CAPN14: variants seen among roughly 807,000 people sequenced by gnomAD.
The protein encoded by CAPN14 is calpain-14.
CAPN14 carries 94 observed loss-of-function variants against 101.3 expected under a neutral mutation model. That is an observed-to-expected ratio of 0.93 (90% CI 0.79 to 1.10). CAPN14 has a LOEUF of 1.10. Ranked by LOEUF, CAPN14 falls within the 50% of genes least tolerant of loss-of-function variation. The probability of loss-of-function intolerance (pLI) is 0.00; values close to 1 mark genes in which losing one functional copy is unlikely to be tolerated. For synonymous variants in CAPN14, 338 were observed against 317.9 expected, an observed-to-expected ratio of 1.06 and a Z score of -0.67; for missense variants, 837 against 828.4, an observed-to-expected ratio of 1.01 and a Z score of -0.13.
At chr2:31,215,749 T>C (rs1468283320) in intron 1 of CAPN14, among the ~76,000 whole-genome samples, 2 of 152,068 alleles carry the variant, frequency 1.3e-5, no homozygotes, top group Admixed American at 1.3e-4. Context: ...CCGGTCATTT[T>C]AGGCTCTGAT....
chr2:31,221,740 G>C (rs368669463), upstream of CAPN14, among the ~76,000 whole-genome samples: 291 of 152,206 alleles, frequency 1.9e-3, 1 homozygote, highest in African/African-American at 6.8e-3. Context: ...ATGTCATTGG[G>C]GTATAGTCGG....
chr2:31,210,363 G>C (rs370966920), intron 1 of CAPN14, among the ~76,000 whole-genome samples: 1 of 152,160 alleles, frequency 6.6e-6, no homozygotes, highest in South Asian at 2.1e-4. Flanking sequence ...CAGGAGAATG[G>C]TGTGAACCCG....
intron 17 of CAPN14, 133 bp downstream of exon 17, chr2:31,180,803 A>G: frequency 4.3e-6 from 3 of 703,378 alleles, no homozygotes; most frequent in Non-Finnish European, 7.4e-6. Context: ...TGGATACATA[A>G]TGAGGCTCAG....
At chr2:31,176,497 C>T (rs1680294152) in intron 21 of CAPN14, 90 bp downstream of exon 21, 1 of 957,544 alleles carries the variant, frequency 1.0e-6, no homozygotes. Context: ...TAAAGTGTCC[C>T]CAGAGCCCTT....
At chr2:31,199,645 T>G in intron 6 of CAPN14, 113 bp from the exon 7 acceptor site, 1 of 787,588 alleles carries the variant, frequency 1.3e-6, no homozygotes, top group Non-Finnish European at 2.1e-6. Context: ...GTGTGGGAGA[T>G]AATCATGGTA....
chr2:31,194,334 G>C, intron 9 of CAPN14, 75 bp downstream of exon 9: 2 of 1,078,912 alleles, frequency 1.9e-6, no homozygotes, highest in South Asian at 2.7e-5. Flanking sequence ...CACCCATAAG[G>C]CATCCAATAA....
In CAPN14 at chr2:31,199,497, AT is replaced by A. The variant is rs1379678241; in HGVS notation, c.761del (p.His254LeufsTer11). ...TCCTGATTCCTGTGAGAGTATAGGC[AT>A]GGCCTTCCACCAGCCCATTCTCCAG... is the stretch of plus-strand genomic sequence containing the variant. ...KILENGLVEGHAYTLTGIRKV... is the reference protein window; with the variant it reads ...KILENGLVEGXAYTLTGIRKV... On this transcript the variant is annotated frameshift_variant, in exon 7 of 22. Coordinates refer to ENST00000403897, the MANE Select transcript of CAPN14 (RefSeq NM_001145122.2). LOFTEE classifies it high-confidence loss of function. 11 of 1,551,482 alleles carry A rather than the reference AT, an allele frequency of 7.1e-6. No individual in the cohort carries two copies. The highest frequency in any genetic ancestry group is 9.6e-6 in the Non-Finnish European group (11 of 1,146,948).
At chr2:31,181,497 C>T (rs1572391392) in intron 16 of CAPN14, among the ~76,000 whole-genome samples, 2 of 92,282 alleles carry the variant, frequency 2.2e-5, no homozygotes, top group Non-Finnish European at 4.3e-5. Flanking sequence ...CTCTCTCTTT[C>T]CTTTCTTTCT....
chr2:31,231,645 G>A (rs188328627), intron 1 of CAPN14, among the ~76,000 whole-genome samples: 41 of 152,212 alleles, frequency 2.7e-4, no homozygotes, highest in Middle Eastern at 3.4e-3. Flanking sequence ...TTAGATATTC[G>A]GAACAGACAT....
intron 16 of CAPN14, among the ~76,000 whole-genome samples, chr2:31,185,934 C>A (rs1336359687): frequency 2.0e-5 from 3 of 151,938 alleles, no homozygotes; most frequent in Admixed American, 6.6e-5. Flanking sequence ...AATAATTTAC[C>A]CCAGGCTTCA....
upstream of CAPN14, among the ~76,000 whole-genome samples, chr2:31,220,288 T>C (rs2148705468): frequency 6.6e-6 from 1 of 152,214 alleles, no homozygotes; most frequent in East Asian, 1.9e-4. Context: ...AGGTTATTTA[T>C]GGGGTTTCAT....
upstream of CAPN14, among the ~76,000 whole-genome samples, chr2:31,218,701 T>C (rs1682760590): frequency 6.6e-6 from 1 of 152,210 alleles, no homozygotes; most frequent in Admixed American, 6.5e-5. Context: ...AGGCACAGCA[T>C]GGCAACTCGC....
At chr2:31,233,057 T>C (rs1460210756) in intron 1 of CAPN14, among the ~76,000 whole-genome samples, 1 of 152,192 alleles carries the variant, frequency 6.6e-6, no homozygotes, top group African/African-American at 2.4e-5. Flanking sequence ...CTGGACAGTG[T>C]TCCCACTCAC....
At chr2:31,178,897 G>T (rs7564478) in intron 17 of CAPN14, among the ~76,000 whole-genome samples, 56,642 of 151,598 alleles carry the variant, frequency 0.37, 12,789 homozygotes, top group African/African-American at 0.63. Context: ...TGTTATCTTT[G>T]ATTATTGTTA....
intron 16 of CAPN14, among the ~76,000 whole-genome samples, chr2:31,183,754 C>T (rs999444639): frequency 1.3e-5 from 2 of 151,606 alleles, no homozygotes; most frequent in African/African-American, 4.8e-5. Flanking sequence ...GTAAACTAGT[C>T]CTTTCTTTCT....
At position 31,188,275 on chromosome 2, in the gene CAPN14, G is replaced by A. The variant is rs1458354595; in HGVS notation, c.1530+43C>T. 11 of 1,533,386 alleles carry A rather than the reference G, an allele frequency of 7.2e-6. No homozygotes were observed. The Admixed American group carries it at 1.8e-4, about 25-fold the overall frequency. The allele number at this position is 1,533,386 out of a possible 1,614,324, so 95.0% of individuals were successfully genotyped here. On this transcript the variant is annotated intron_variant, in intron 14 of 21. Transcript: ENST00000403897. ...AGGGAGAAACCCAACACCCTGGCTTGGAAAGCAGTCCCAGCCATATGGAAT... is the reference window on the plus strand; with the variant it reads ...AGGGAGAAACCCAACACCCTGGCTTAGAAAGCAGTCCCAGCCATATGGAAT...
chr2:31,231,649 CA>C (rs1683195608), intron 1 of CAPN14, among the ~76,000 whole-genome samples: 1 of 152,172 alleles, frequency 6.6e-6, no homozygotes, highest in South Asian at 2.1e-4. Context: ...ATATTCGGAA[CA>C]GACATTCAGC....
intron 5 of CAPN14, among the ~76,000 whole-genome samples, chr2:31,201,258 C>T (rs146417115): frequency 1.8e-4 from 27 of 151,338 alleles, no homozygotes; most frequent in African/African-American, 3.6e-4. Flanking sequence ...TATGTGCATG[C>T]GTGTGTGTGT....
intron 10 of CAPN14, among the ~76,000 whole-genome samples, 166 bp downstream of exon 10, chr2:31,192,965 A>G (rs6543615): frequency 0.73 from 109,946 of 151,308 alleles, 40,232 homozygotes; most frequent in East Asian, 0.97. Flanking sequence ...AAGGTACCCC[A>G]TCTTCCCTGT....
Sources: allele counts gnomAD v4.1 joint callset (sites outside exome capture counted in the v4.1 genomes callset), GRCh38; gene constraint gnomAD v4.1.1; transcripts MANE v1.5; gene names NCBI Gene and HGNC (gene_info 2026-07-23, HGNC 2026-07-21).